Variants in SMC2 observed in about 807,000 individuals in gnomAD.
SMC2 encodes the protein structural maintenance of chromosomes 2, also known as structural maintenance of chromosomes protein 2.
SMC2 carries 41 observed loss-of-function variants against 142.6 expected under a neutral mutation model. That is an observed-to-expected ratio of 0.29 (90% CI 0.22 to 0.37). The LOEUF is 0.37. Ranked by LOEUF, SMC2 falls within the 10% of genes least tolerant of loss-of-function variation. The probability of loss-of-function intolerance (pLI) is 1.00; values close to 1 mark genes in which losing one functional copy is unlikely to be tolerated. For synonymous variants in SMC2, 463 were observed against 457.5 expected, an observed-to-expected ratio of 1.01 and a Z score of -0.15; for missense variants, 1,265 against 1,373.7, an observed-to-expected ratio of 0.92 and a Z score of 1.25.
intron 23 of SMC2, among the ~76,000 whole-genome samples, chr9:104,136,842 A>G (rs1312061473): frequency 6.9e-6 from 1 of 143,998 alleles, no homozygotes; most frequent in Non-Finnish European, 1.5e-5. Flanking sequence ...AAATAGCCCT[A>G]TTAGAATGCA....
At chr9:104,115,436 G>A (rs58034425) in intron 13 of SMC2, among the ~76,000 whole-genome samples, 21,091 of 151,832 alleles carry the variant, frequency 0.14, 1,721 homozygotes, top group Non-Finnish European at 0.16. Flanking sequence ...TTACCCAGGC[G>A]TAGTGGCGTG....
intron 23 of SMC2, among the ~76,000 whole-genome samples, chr9:104,137,140 T>C (rs1227735874): frequency 6.6e-6 from 1 of 151,918 alleles, no homozygotes; most frequent in Non-Finnish European, 1.5e-5. Flanking sequence ...AGAGCAAGAC[T>C]CTCAAAAACC....
chr9:104,113,552 C>A (rs937369263), intron 11 of SMC2, 77 bp downstream of exon 11: 3 of 1,164,462 alleles, frequency 2.6e-6, no homozygotes, highest in East Asian at 5.3e-5. Context: ...AAATAAAGAA[C>A]GCAAGCAAGT....
intron 13 of SMC2, 59 bp from the exon 14 acceptor site, chr9:104,116,141 T>C: frequency 2.7e-6 from 4 of 1,490,656 alleles, no homozygotes; most frequent in Non-Finnish European, 3.6e-6. Context: ...TAAACTTGCA[T>C]TCTCTCAATT....
Position 104,138,022 on chromosome 9 carries a change from T to C in SMC2, c.3274T>C (p.Leu1092=), listed in dbSNP as rs1303849888. ...TTTCTTCTGACCTTTTCTTAGGTCTTTAGTGGCCTTGTCATTAATACTGTC... is the reference window on the plus strand; with the variant it reads ...TTTCTTCTGACCTTTTCTTAGGTCTCTAGTGGCCTTGTCATTAATACTGTC... ...LTELSGGQRS[L]VALSLILSML... The change falls in exon 24 of 25, where the codon TTA becomes CTA. Residue 1092 remains leucine (L), a synonymous_variant. Coordinates refer to ENST00000374793, the MANE Select transcript of SMC2 (RefSeq NM_006444.3). 6.3e-7 allele frequency: 1 copy of C among 1,576,464 alleles called. No homozygotes were observed. Among genetic ancestry groups the C allele is most frequent in the African/African-American group, 1.4e-5 (1 of 73,926 alleles).
At chr9:104,123,811 T>G (rs921841739) in intron 17 of SMC2, among the ~76,000 whole-genome samples, 3 of 152,226 alleles carry the variant, frequency 2.0e-5, no homozygotes, top group Non-Finnish European at 4.4e-5. Flanking sequence ...CAAAAGTTTT[T>G]AATATTTAGT....
rs199500651 is a variant in SMC2, at chr9:104,115,246, G to GT, written c.1671+427dup. 1.2e-3 allele frequency among the ~76,000 whole-genome samples: 176 copies of GT among 146,894 alleles called. 1 individual carries two copies. The highest frequency in any genetic ancestry group is 3.9e-3 in the African/African-American group (157 of 40,212). ...TAGTCATTGTCAAATTTACTTCCTT[G>GT]TTTTTTTTTTAATTTATTTTATATA... On this transcript the variant is annotated intron_variant, in intron 13 of 24. Transcript: ENST00000374793.
chr9:104,120,481 G>A (rs183683331), intron 16 of SMC2, among the ~76,000 whole-genome samples: 6 of 152,160 alleles, frequency 3.9e-5, no homozygotes, highest in Non-Finnish European at 7.3e-5. Context: ...ACACTCTGGC[G>A]TCTGATACCA....
At chr9:104,135,780 C>A (rs149926677) in intron 23 of SMC2, 1 of 511,628 alleles carries the variant, frequency 2.0e-6, no homozygotes, top group Non-Finnish European at 3.9e-6. Context: ...CTGGAACATC[C>A]GTAAAGTGCT....
At chr9:104,107,670 A>G (rs1831962297) in intron 9 of SMC2, among the ~76,000 whole-genome samples, 2 of 152,122 alleles carry the variant, frequency 1.3e-5, no homozygotes, top group South Asian at 4.1e-4. Context: ...AGCACCAACA[A>G]TTTTTGTTTG....
At chr9:104,125,566 T>G (rs1467656275) in intron 18 of SMC2, among the ~76,000 whole-genome samples, 1 of 151,230 alleles carries the variant, frequency 6.6e-6, no homozygotes, top group Admixed American at 6.6e-5. Flanking sequence ...TGACGGTTGG[T>G]AAATGCTTCC....
At chr9:104,116,365 G>C in intron 14 of SMC2, 46 bp downstream of exon 14, 1 of 1,516,726 alleles carries the variant, frequency 6.6e-7, no homozygotes, top group Non-Finnish European at 8.8e-7. Flanking sequence ...GTCATCTGTG[G>C]TTTTTTTAAG....
rs1239843740 is a variant in SMC2, at chr9:104,099,067, A to G, written c.441+499A>G. On this transcript the variant is annotated intron_variant, in intron 4 of 24. Transcript: ENST00000374793. Reference sequence around the variant, plus strand: ...GTGGGACCAAAATAAAAATATTTCCACTACACACCTTCATAGTTGAAACTT... The same window carrying G: ...GTGGGACCAAAATAAAAATATTTCCGCTACACACCTTCATAGTTGAAACTT... Among the ~76,000 whole-genome samples the G allele has an allele frequency of 3.3e-5, 5 of 152,104 alleles. No individual in the cohort carries two copies. The South Asian group carries it at 6.2e-4, about 19-fold the overall frequency.
At chr9:104,108,253 A>G (rs1230258562) in intron 9 of SMC2, among the ~76,000 whole-genome samples, 1 of 152,082 alleles carries the variant, frequency 6.6e-6, no homozygotes, top group African/African-American at 2.4e-5. Flanking sequence ...GCCTAATTTC[A>G]TTTCTTTTTC....
chr9:104,135,074 G>T (rs537103217), intron 23 of SMC2, among the ~76,000 whole-genome samples: 1 of 152,156 alleles, frequency 6.6e-6, no homozygotes, highest in Non-Finnish European at 1.5e-5. Flanking sequence ...ACTGTTATTT[G>T]TTTATCAGAA....
At chr9:104,119,983 C>A (rs371331559) in intron 15 of SMC2, 44 bp from the exon 16 acceptor site, 1 of 1,601,642 alleles carries the variant, frequency 6.2e-7, no homozygotes, top group Non-Finnish European at 8.5e-7. Context: ...GTAGTACATA[C>A]CTGGTAACAA....
chr9:104,108,413 C>G (rs936228870), intron 9 of SMC2, among the ~76,000 whole-genome samples: 4 of 152,180 alleles, frequency 2.6e-5, no homozygotes, highest in African/African-American at 9.7e-5. Context: ...CCTGGACTTT[C>G]CATATACTCG....
Position 104,141,237 on chromosome 9 carries a change from G to C in SMC2, c.*1922G>C, listed in dbSNP as rs1207333281. On this transcript the variant is annotated 3_prime_UTR_variant, in exon 25 of 25. Coordinates refer to ENST00000374793, the MANE Select transcript of SMC2 (RefSeq NM_006444.3). Reference sequence around the variant, plus strand: ...AGGTAAATACTGTTGTTGTCAGCATGGTGTAATCGAGGAATTGAGTGAGTT... The same window carrying C: ...AGGTAAATACTGTTGTTGTCAGCATCGTGTAATCGAGGAATTGAGTGAGTT... 1.3e-5 allele frequency: 2 copies of C among 152,130 alleles called. No individual in the cohort carries two copies. Among genetic ancestry groups the C allele is most frequent in the Non-Finnish European group, 2.9e-5 (2 of 68,028 alleles). 9.4% of individuals were successfully genotyped at this position (152,130 alleles called of 1,614,324 possible).
At chr9:104,093,904 C>T (rs770891640), upstream of SMC2, among the ~76,000 whole-genome samples, 10 of 152,234 alleles carry the variant, frequency 6.6e-5, no homozygotes, top group Non-Finnish European at 1.2e-4. Flanking sequence ...GACGAGAACA[C>T]TCATAGAATG....
Sources: allele counts gnomAD v4.1 joint callset (sites outside exome capture counted in the v4.1 genomes callset), GRCh38; gene constraint gnomAD v4.1.1; transcripts MANE v1.5; gene names NCBI Gene and HGNC (gene_info 2026-07-23, HGNC 2026-07-21).